The following ANKRD44 variants were observed in gnomAD, a reference collection of about 807,000 sequenced individuals.
ANKRD44 encodes the protein ankyrin repeat domain 44.
A neutral mutation model predicts 116.0 loss-of-function variants in ANKRD44; 35 were observed. The ratio of observed to expected loss-of-function variants is 0.30; its 90% CI spans 0.23 to 0.40. The LOEUF (loss-of-function observed/expected upper bound fraction) is 0.40. ANKRD44 is among the 10% of genes least tolerant of loss of function. The pLI, the probability that ANKRD44 is intolerant of heterozygous loss-of-function variation, is 1.00. For synonymous variants in ANKRD44, 435 were observed against 461.8 expected, an observed-to-expected ratio of 0.94 and a Z score of 0.74; for missense variants, 1,014 against 1,242.6, an observed-to-expected ratio of 0.82 and a Z score of 2.77.
intron 4 of ANKRD44, among the ~76,000 whole-genome samples, chr2:197,128,957 TA>T (rs1314435831): frequency 6.6e-6 from 1 of 152,104 alleles, no homozygotes; most frequent in Non-Finnish European, 1.5e-5. Context: ...AAAAATGAGA[TA>T]AAAACTATAA....
At chr2:197,269,842 CAAAG>C (rs1254222909) in intron 1 of ANKRD44, among the ~76,000 whole-genome samples, 1 of 152,102 alleles carries the variant, frequency 6.6e-6, no homozygotes, top group Admixed American at 6.6e-5. Context: ...AGCTGGAACT[CAAAG>C]AACATGTAGG....
At chr2:197,120,711 T>G (rs1369779024) in intron 8 of ANKRD44, among the ~76,000 whole-genome samples, 1 of 151,362 alleles carries the variant, frequency 6.6e-6, no homozygotes, top group Non-Finnish European at 1.5e-5. Flanking sequence ...CACACTGGAG[T>G]TGGAAACAGG....
intron 17 of ANKRD44, 94 bp downstream of exon 17, chr2:197,025,102 G>T: frequency 7.9e-7 from 1 of 1,266,576 alleles, no homozygotes; most frequent in Non-Finnish European, 1.1e-6. Flanking sequence ...ACTCATCACT[G>T]TGTTACTACA....
intron 17 of ANKRD44, chr2:197,015,068 T>C: frequency 4.2e-6 from 1 of 239,476 alleles, no homozygotes; most frequent in South Asian, 5.9e-5. Flanking sequence ...TTTTGAGAAA[T>C]GGGGCACATT....
At chr2:197,109,066 G>A (rs1349249171) in intron 9 of ANKRD44, among the ~76,000 whole-genome samples, 3 of 152,286 alleles carry the variant, frequency 2.0e-5, no homozygotes, top group East Asian at 1.9e-4. Flanking sequence ...ATGAACCTGC[G>A]GGGAAGGCAG....
At chr2:197,142,424 T>C (rs2079389497) in intron 3 of ANKRD44, among the ~76,000 whole-genome samples, 1 of 152,196 alleles carries the variant, frequency 6.6e-6, no homozygotes, top group South Asian at 2.1e-4. Context: ...GATTATAATA[T>C]AACAAAATCA....
intron 8 of ANKRD44, among the ~76,000 whole-genome samples, chr2:197,114,929 C>T (rs2078672757): frequency 6.6e-6 from 1 of 152,194 alleles, no homozygotes; most frequent in Non-Finnish European, 1.5e-5. Context: ...GGTTGGCTCA[C>T]TCATTCCTCT....
chr2:196,988,332 G>T lies in ANKRD44; in HGVS notation c.*1259C>A, dbSNP rs906385989. ...TTTTCAGTGTTTTGGTAAAGATAAG[G>T]TCATTATTGCTCATTAGCAATTTAT... On this transcript the variant is annotated 3_prime_UTR_variant, in exon 28 of 28. Coordinates refer to ENST00000282272, the MANE Select transcript of ANKRD44 (RefSeq NM_001195144.2). The T allele has an allele frequency of 5.1e-6, 5 of 985,194 alleles. No individual in the cohort carries two copies. In the Admixed American group the frequency reaches 3.1e-4, roughly 61 times the overall value. 61.0% of individuals were successfully genotyped at this position (985,194 alleles called of 1,614,324 possible). A position where few individuals can be genotyped will look rare whatever the true frequency, so the allele number is the denominator to read the frequency against.
At chr2:197,136,265 C>A in intron 4 of ANKRD44, 1 of 312,202 alleles carries the variant, frequency 3.2e-6, no homozygotes, top group Non-Finnish European at 6.1e-6. Context: ...TTCCTCTATT[C>A]AAGCAGGCAG....
At position 196,998,921 on chromosome 2, in the gene ANKRD44, T is replaced by G; in HGVS notation, c.2651A>C (p.Gln884Pro). The change falls in exon 24 of 28, where the codon CAG becomes CCG. Residue 884 changes from glutamine (Q) to proline (P), a missense_variant. Coordinates refer to ENST00000282272, the MANE Select transcript of ANKRD44 (RefSeq NM_001195144.2). ...TALMMAAENG[Q>P]AGAVDILVNS... ...CAAGCACATACCCACAGCGCCTGCCTGCCCATTCTCAGCAGCCATCATCAG... is the reference window on the plus strand; with the variant it reads ...CAAGCACATACCCACAGCGCCTGCCGGCCCATTCTCAGCAGCCATCATCAG... 6.2e-7 allele frequency: 1 copy of G among 1,614,218 alleles called. No homozygotes were observed. The highest frequency in any genetic ancestry group is 8.5e-7 in the Non-Finnish European group (1 of 1,180,022).
chr2:197,245,412 C>T (rs549774085), intron 1 of ANKRD44, among the ~76,000 whole-genome samples: 5 of 152,162 alleles, frequency 3.3e-5, no homozygotes, highest in Admixed American at 1.3e-4. Context: ...CATTTTATGT[C>T]AGGGACTTGA....
chr2:197,261,722 C>A (rs1414872314), intron 1 of ANKRD44, among the ~76,000 whole-genome samples: 1 of 151,992 alleles, frequency 6.6e-6, no homozygotes, highest in African/African-American at 2.4e-5. Flanking sequence ...AACAAGGGAC[C>A]CTAGAGAATC....
intron 27 of ANKRD44, among the ~76,000 whole-genome samples, chr2:196,992,044 C>T (rs2075927726): frequency 6.6e-6 from 1 of 152,206 alleles, no homozygotes; most frequent in African/African-American, 2.4e-5. Flanking sequence ...ACTGTCTTAA[C>T]TCATAATATA....
chr2:196,998,226 G>A (rs1339513467), intron 25 of ANKRD44, 111 bp downstream of exon 25: 3 of 786,254 alleles, frequency 3.8e-6, no homozygotes, highest in Non-Finnish European at 6.1e-6. Context: ...CTGGGAAAAT[G>A]TACATCTTAA....
chr2:197,081,593 CAGA>C (rs1228951143), intron 15 of ANKRD44, 49 bp downstream of exon 15: 9 of 1,536,826 alleles, frequency 5.9e-6, no homozygotes, highest in Non-Finnish European at 8.1e-6. Flanking sequence ...CTCAGAAAAG[CAGA>C]AGAAGCGTCA....
At chr2:197,257,859 G>A (rs1574379287) in intron 1 of ANKRD44, among the ~76,000 whole-genome samples, 1 of 152,124 alleles carries the variant, frequency 6.6e-6, no homozygotes, top group East Asian at 1.9e-4. Context: ...AGCCCATACT[G>A]AAACTCCGTG....
chr2:197,077,523 G>C (rs1403051449), intron 16 of ANKRD44, among the ~76,000 whole-genome samples: 1 of 152,126 alleles, frequency 6.6e-6, no homozygotes. Context: ...TGATTGGGAG[G>C]GGTTGGGGCA....
At chr2:197,021,977 T>C (rs986192569) in intron 17 of ANKRD44, among the ~76,000 whole-genome samples, 1 of 152,236 alleles carries the variant, frequency 6.6e-6, no homozygotes, top group Non-Finnish European at 1.5e-5. Flanking sequence ...AATTTAATCT[T>C]TTCAAGAGGA....
intron 15 of ANKRD44, among the ~76,000 whole-genome samples, chr2:197,080,674 C>T (rs369229494): frequency 6.6e-6 from 1 of 152,154 alleles, no homozygotes; most frequent in Non-Finnish European, 1.5e-5. Flanking sequence ...CAATTACCAT[C>T]GAAGTTAGGT....
Sources: gnomAD v4.1 joint callset for allele counts (sites outside exome capture counted in the v4.1 genomes callset) on GRCh38, gnomAD v4.1.1 for gene constraint, MANE v1.5 for transcripts, NCBI Gene and HGNC (gene_info 2026-07-23, HGNC 2026-07-21) for gene names.